Variants in DMD observed in about 807,000 individuals in gnomAD.
DMD encodes the protein mutant dystrophin.
Under a neutral mutation model 330.1 loss-of-function variants are expected in DMD, and 63 were observed. The ratio of observed to expected loss-of-function variants is 0.19; its 90% CI spans 0.16 to 0.24. The LOEUF (loss-of-function observed/expected upper bound fraction) is 0.24, where lower values mean the gene tolerates loss of function less well. DMD is among the 10% of genes least tolerant of loss of function. The probability of loss-of-function intolerance (pLI) is 1.00; values close to 1 mark genes in which losing one functional copy is unlikely to be tolerated. For missense variants in DMD, 3,344 were observed against 2,684.1 expected (o/e 1.25, Z -5.43); for synonymous variants, 1,223 against 959.8 (o/e 1.27, Z -5.07).
At chrX:32,135,469 G>A (rs1445312975) in intron 44 of DMD, among the ~76,000 whole-genome samples, 2 of 112,649 alleles carry the variant, frequency 1.8e-5, no homozygotes, top group East Asian at 5.6e-4. Flanking sequence ...ACTGGATCAC[G>A]CCTGTAATCT....
At chrX:31,203,385 G>C (rs950636945) in intron 67 of DMD, among the ~76,000 whole-genome samples, 1 of 109,841 alleles carries the variant, frequency 9.1e-6, no homozygotes, top group Non-Finnish European at 1.9e-5. Context: ...GGGTGTTTCT[G>C]GGGCACTGAC....
chrX:33,058,588 C>A (rs1444333770), intron 1 of DMD, among the ~76,000 whole-genome samples: 2 of 110,560 alleles, frequency 1.8e-5, no homozygotes, highest in African/African-American at 6.6e-5. Flanking sequence ...CAGGCATGAT[C>A]CACTACACCT....
At chrX:31,314,670 A>T (rs1480148758) in intron 62 of DMD, among the ~76,000 whole-genome samples, 1 of 109,972 alleles carries the variant, frequency 9.1e-6, no homozygotes, top group Non-Finnish European at 1.9e-5. Flanking sequence ...ACGGTTTAAA[A>T]AATTTGCAAC....
intron 1 of DMD, among the ~76,000 whole-genome samples, chrX:33,246,831 G>T (rs141416086): frequency 1.8e-5 from 2 of 109,660 alleles, no homozygotes. Flanking sequence ...GATTACAGGC[G>T]CACACCACCA....
intron 2 of DMD, among the ~76,000 whole-genome samples, chrX:32,860,929 G>C (rs1042996878): frequency 2.7e-5 from 3 of 111,513 alleles, no homozygotes; most frequent in Non-Finnish European, 5.6e-5. Context: ...AAATACATTA[G>C]ATTTATGCAG....
chrX:33,248,974 A>G (rs2052718681), intron 1 of DMD, among the ~76,000 whole-genome samples: 1 of 112,307 alleles, frequency 8.9e-6, no homozygotes, highest in South Asian at 3.6e-4. Flanking sequence ...CAGCATGTGA[A>G]AATGTAACTT....
chrX:31,790,946 A>G (rs2091539701), intron 50 of DMD, among the ~76,000 whole-genome samples: 1 of 112,162 alleles, frequency 8.9e-6, no homozygotes, highest in African/African-American at 3.2e-5. Flanking sequence ...GCATTTATTA[A>G]TTGCAGTAGC....
chrX:32,689,941 T>C (rs1569459001), intron 9 of DMD, among the ~76,000 whole-genome samples: 2 of 110,320 alleles, frequency 1.8e-5, no homozygotes, highest in Non-Finnish European at 3.8e-5. Flanking sequence ...AGATCGCAGG[T>C]CATATCACAA....
intron 18 of DMD, chrX:32,516,722 TCTA>T (rs768772552): frequency 2.7e-5 from 3 of 111,765 alleles, no homozygotes; most frequent in South Asian, 3.7e-4. Context: ...TAATTAATTT[TCTA>T]CTACTAAGAG....
At chrX:31,408,587 C>T (rs984673680) in intron 60 of DMD, among the ~76,000 whole-genome samples, 1 of 110,526 alleles carries the variant, frequency 9.0e-6, no homozygotes, top group African/African-American at 3.3e-5. Context: ...TTAGTGGAAA[C>T]GAGGTTTCAC....
At chrX:32,730,535 T>A (rs1044317955) in intron 7 of DMD, among the ~76,000 whole-genome samples, 21 of 111,581 alleles carry the variant, frequency 1.9e-4, no homozygotes, top group African/African-American at 6.2e-4. Context: ...TCCTAGGCAA[T>A]AGGAATGACG....
At chrX:31,884,273 AG>A (rs1351266702) in intron 47 of DMD, among the ~76,000 whole-genome samples, 1 of 112,003 alleles carries the variant, frequency 8.9e-6, no homozygotes, top group Non-Finnish European at 1.9e-5. Context: ...GAACGGTTAA[AG>A]AAATTGCGGT....
At chrX:31,499,355 G>A (rs931665383) in intron 56 of DMD, among the ~76,000 whole-genome samples, 2 of 111,047 alleles carry the variant, frequency 1.8e-5, no homozygotes, top group African/African-American at 6.5e-5. Flanking sequence ...CTCAAGCTGC[G>A]GCTTTGTTTA....
At chrX:32,827,935 A>G (rs1046110052) in intron 4 of DMD, among the ~76,000 whole-genome samples, 4 of 111,353 alleles carry the variant, frequency 3.6e-5, no homozygotes, top group African/African-American at 6.5e-5. Flanking sequence ...GTACTAGGTT[A>G]CAGGTATAAG....
intron 55 of DMD, among the ~76,000 whole-genome samples, chrX:31,511,336 A>ATTTATTTATTTATTTATTTAT (rs575874863): frequency 1.9e-4 from 18 of 95,810 alleles, no homozygotes; most frequent in African/African-American, 5.6e-4. Flanking sequence ...TTATTTATTT[A>ATTTATTTATTTATTTATTTAT]TTATTATTAT....
intron 50 of DMD, among the ~76,000 whole-genome samples, chrX:31,803,070 G>A (rs1384647627): frequency 8.9e-6 from 1 of 112,109 alleles, no homozygotes; most frequent in Admixed American, 9.4e-5. Flanking sequence ...CCTTGCCCCC[G>A]GAAGGAATAG....
chrX:32,874,462 G>A (rs920060063), intron 2 of DMD, among the ~76,000 whole-genome samples: 4 of 111,447 alleles, frequency 3.6e-5, no homozygotes, highest in African/African-American at 1.3e-4. Flanking sequence ...GCTTGTTTGT[G>A]CAAGGATCTT....
chrX:32,715,113 C>T (rs1299284178), intron 7 of DMD, among the ~76,000 whole-genome samples: 1 of 111,251 alleles, frequency 9.0e-6, no homozygotes, highest in Non-Finnish European at 1.9e-5. Context: ...CTCCTTCCAC[C>T]CCCAACCTGG....
intron 44 of DMD, among the ~76,000 whole-genome samples, chrX:32,015,079 C>G (rs1160639893): frequency 9.0e-6 from 1 of 111,466 alleles, no homozygotes; most frequent in East Asian, 2.8e-4. Context: ...TGGGATCATT[C>G]AAGAAATATT....
Sources: gnomAD v4.1 joint callset for allele counts (sites outside exome capture counted in the v4.1 genomes callset) on GRCh38, gnomAD v4.1.1 for gene constraint, MANE v1.5 for transcripts, NCBI Gene and HGNC (gene_info 2026-07-23, HGNC 2026-07-21) for gene names.